CFAP61: variants seen among roughly 807,000 people sequenced by gnomAD.
CFAP61 encodes the protein cilia- and flagella-associated protein 61.
A neutral mutation model predicts 135.6 loss-of-function variants in CFAP61; 107 were observed. That is an observed-to-expected ratio of 0.79 (90% CI 0.67 to 0.93). The LOEUF (loss-of-function observed/expected upper bound fraction) is 0.93, where lower values mean the gene tolerates loss of function less well. CFAP61 is among the 40% of genes least tolerant of loss of function. CFAP61 has a pLI of 0.00. For missense variants in CFAP61, 1,507 were observed against 1,556.2 expected (o/e 0.97, Z 0.53); for synonymous variants, 575 against 578.5 (o/e 0.99, Z 0.09).
At chr20:20,098,935 AAGG>A (rs907757759) in intron 8 of CFAP61, 121 bp downstream of exon 8, 1 of 870,548 alleles carries the variant, frequency 1.1e-6, no homozygotes, top group Non-Finnish European at 1.7e-6. Flanking sequence ...AGTTCCCCTT[AAGG>A]AGTAGTTCCC....
chr20:20,136,291 G>A (rs553753883), intron 8 of CFAP61, among the ~76,000 whole-genome samples: 9 of 152,174 alleles, frequency 5.9e-5, no homozygotes, highest in Non-Finnish European at 1.2e-4. Context: ...GGTTTGGGAC[G>A]TTCTCTGTTA....
intron 17 of CFAP61, among the ~76,000 whole-genome samples, chr20:20,205,298 T>C (rs2056809578): frequency 6.6e-6 from 1 of 152,178 alleles, no homozygotes; most frequent in African/African-American, 2.4e-5. Flanking sequence ...ATGTAAACAG[T>C]TACTGCAATT....
chr20:20,150,760 C>T (rs2052343092), intron 9 of CFAP61, among the ~76,000 whole-genome samples: 1 of 152,172 alleles, frequency 6.6e-6, no homozygotes, highest in Non-Finnish European at 1.5e-5. Context: ...AGCAATAACC[C>T]AGAGCCTGGT....
intron 17 of CFAP61, among the ~76,000 whole-genome samples, chr20:20,211,933 C>A (rs2146917460): frequency 6.6e-6 from 1 of 151,938 alleles, no homozygotes; most frequent in East Asian, 2.0e-4. Context: ...GGGGACAGCA[C>A]TTTTCATGAA....
intron 1 of CFAP61, among the ~76,000 whole-genome samples, chr20:20,055,537 C>T (rs1255999909): frequency 6.6e-6 from 1 of 152,184 alleles, no homozygotes; most frequent in African/African-American, 2.4e-5. Context: ...GTCAGATCGG[C>T]TCACATCATT....
chr20:20,298,147 A>G, intron 24 of CFAP61, 34 bp from the exon 25 acceptor site: 1 of 1,443,724 alleles, frequency 6.9e-7, no homozygotes. Flanking sequence ...GAATGTTTCT[A>G]ATGTTGTTTT....
Position 20,072,091 on chromosome 20 carries a change from C to CTTTTT in CFAP61, c.294+1124_294+1128dup, listed in dbSNP as rs71198039. Among the ~76,000 whole-genome samples, 21 of 57,634 alleles carry CTTTTT rather than the reference C, an allele frequency of 3.6e-4. 6 individuals carry two copies. The highest frequency in any genetic ancestry group is 6.6e-4 in the Non-Finnish European group (19 of 28,738). 37.8% of individuals were successfully genotyped at this position (57,634 alleles called of 152,430 possible). A position where few individuals can be genotyped will look rare whatever the true frequency, so the allele number is the denominator to read the frequency against. The stretch of plus-strand genomic sequence containing the variant: ...CCTATTTGGTATCTAATCTAGCAAT[C>CTTTTT]TTTTTTTTTTTTTTTTTTTTTTTTT... On this transcript the variant is annotated intron_variant, in intron 3 of 26. Transcript: ENST00000245957.
At chr20:20,213,777 A>G (rs2047835652) in intron 17 of CFAP61, among the ~76,000 whole-genome samples, 1 of 152,124 alleles carries the variant, frequency 6.6e-6, no homozygotes, top group Non-Finnish European at 1.5e-5. Flanking sequence ...AACAAGAAAA[A>G]CTGATCCACA....
Position 20,159,434 on chromosome 20 carries a change from G to A in CFAP61, c.1016G>A (p.Ser339Asn). ...ALTAVQSGNV[S>N]EPEDIEKLSD... ...ACAGCAGTCCAAAGTGGAAATGTTAGTGAACCGGAGGTAGGGTTTGACGAG... is the reference window on the plus strand; with the variant it reads ...ACAGCAGTCCAAAGTGGAAATGTTAATGAACCGGAGGTAGGGTTTGACGAG... Residue 339 changes from serine (S) to asparagine (N), a missense_variant, in exon 10 of 27, where the codon AGT becomes AAT. By Grantham distance (46) the Ser-to-Asn change is conservative. Coordinates refer to ENST00000245957, the MANE Select transcript of CFAP61 (RefSeq NM_015585.4). 4 of 1,613,852 alleles carry A rather than the reference G, an allele frequency of 2.5e-6. No individual in the cohort carries two copies. Among genetic ancestry groups the A allele is most frequent in the Non-Finnish European group, 3.4e-6 (4 of 1,179,764 alleles).
In CFAP61 at chr20:20,164,206, A is replaced by G. The variant is rs1024622176; in HGVS notation, c.1183A>G (p.Ile395Val). ...SAAFCIQLFC[I>V]DEKYEARSLD... ...TGCTTTTTGTATTCAGCTGTTTTGTATTGATGAGAAATATGAAGCAAGGCA... is the reference window on the plus strand; with the variant it reads ...TGCTTTTTGTATTCAGCTGTTTTGTGTTGATGAGAAATATGAAGCAAGGCA... Residue 395 changes from isoleucine (I) to valine (V), a missense_variant, in exon 11 of 27, where the codon ATT becomes GTT. Coordinates refer to ENST00000245957, the MANE Select transcript of CFAP61 (RefSeq NM_015585.4). 1.9e-6 allele frequency: 3 copies of G among 1,613,616 alleles called. No homozygotes were observed. The highest frequency in any genetic ancestry group is 2.5e-6 in the Non-Finnish European group (3 of 1,179,812).
At chr20:20,086,073 C>T (rs2046775901) in intron 6 of CFAP61, among the ~76,000 whole-genome samples, 1 of 152,076 alleles carries the variant, frequency 6.6e-6, no homozygotes, top group Non-Finnish European at 1.5e-5. Flanking sequence ...CTGTGTCTTG[C>T]AGCTATTCTT....
At chr20:20,155,673 C>G (rs2052842542) in intron 9 of CFAP61, among the ~76,000 whole-genome samples, 1 of 152,102 alleles carries the variant, frequency 6.6e-6, no homozygotes, top group Non-Finnish European at 1.5e-5. Context: ...AAAAAATGCT[C>G]AACACCACTA....
intron 19 of CFAP61, among the ~76,000 whole-genome samples, chr20:20,248,632 T>C (rs1289628721): frequency 6.6e-6 from 1 of 152,230 alleles, no homozygotes; most frequent in Non-Finnish European, 1.5e-5. Context: ...TGAAAGTTAA[T>C]TGTGATAGTC....
intron 22 of CFAP61, among the ~76,000 whole-genome samples, chr20:20,284,233 G>A (rs1321501863): frequency 6.6e-6 from 1 of 151,190 alleles, no homozygotes; most frequent in East Asian, 1.9e-4. Context: ...TTTTTTAGTA[G>A]TCTATTTCAA....
intron 22 of CFAP61, among the ~76,000 whole-genome samples, chr20:20,280,816 A>C (rs1267489741): frequency 6.6e-6 from 1 of 152,190 alleles, no homozygotes; most frequent in Non-Finnish European, 1.5e-5. Context: ...AAGTAGCTAT[A>C]CCATTTTACA....
At chr20:20,245,199 G>A (rs959144813) in intron 18 of CFAP61, among the ~76,000 whole-genome samples, 1 of 152,134 alleles carries the variant, frequency 6.6e-6, no homozygotes, top group African/African-American at 2.4e-5. Context: ...GCATTTTTGG[G>A]TATCTTTTCA....
chr20:20,281,295 G>A (rs2054182525), intron 22 of CFAP61, among the ~76,000 whole-genome samples: 1 of 152,106 alleles, frequency 6.6e-6, no homozygotes, highest in Admixed American at 6.5e-5. Flanking sequence ...AATAAAAGTG[G>A]GGGAAATAGA....
In CFAP61 at chr20:20,070,858, A is replaced by G. The variant is rs768506505; in HGVS notation, c.148A>G (p.Lys50Glu). The G allele has an allele frequency of 2.5e-6, 4 of 1,611,338 alleles. No individual in the cohort carries two copies. Among genetic ancestry groups the G allele is most frequent in the East Asian group, 4.5e-5 (2 of 44,840 alleles). The change falls in exon 3 of 27, where the codon AAG becomes GAG. Residue 50 changes from lysine to glutamate, a missense_variant. By Grantham distance (56) the Lys-to-Glu change is moderately conservative (BLOSUM62 1). Transcript: ENST00000245957. ...GKLNIIYLLE[K>E]ANLAVTLCND... is the part of the protein sequence containing the mutation. ...CAATTGTAATCATTTCTGCAGAGAA[A>G]AGGCCAACCTTGCTGTTACCCTCTG...
chr20:20,125,245 C>T (rs1051094055), intron 8 of CFAP61, among the ~76,000 whole-genome samples: 2 of 150,716 alleles, frequency 1.3e-5, no homozygotes, highest in African/African-American at 4.9e-5. Context: ...TGGTTATTTC[C>T]TTTCTTCTGC....
Sources: allele counts gnomAD v4.1 joint callset (sites outside exome capture counted in the v4.1 genomes callset), GRCh38; gene constraint gnomAD v4.1.1; transcripts MANE v1.5; gene names NCBI Gene and HGNC (gene_info 2026-07-23, HGNC 2026-07-21).